Variants in FIP1L1 observed in about 807,000 individuals in gnomAD.
The protein encoded by FIP1L1 is factor interacting with PAPOLA and CPSF1.
Under a neutral mutation model 84.6 loss-of-function variants are expected in FIP1L1, and 21 were observed. That is an observed-to-expected ratio of 0.25 (90% CI 0.18 to 0.36). The LOEUF (loss-of-function observed/expected upper bound fraction) is 0.36. Ranked by LOEUF, FIP1L1 falls within the 10% of genes least tolerant of loss-of-function variation. The pLI is 1.00. For synonymous variants in FIP1L1, 263 were observed against 242.3 expected (o/e 1.09, Z -0.80); for missense variants, 526 against 751.1 (o/e 0.70, Z 3.50).
chr4:53,456,790 G>C (rs1369870294), intron 16 of FIP1L1, among the ~76,000 whole-genome samples: 1 of 152,018 alleles, frequency 6.6e-6, no homozygotes, highest in Non-Finnish European at 1.5e-5. Context: ...TTGTGTGTAG[G>C]ACCCAATCTT....
intron 11 of FIP1L1, among the ~76,000 whole-genome samples, chr4:53,424,398 A>T (rs756152978): frequency 1.3e-5 from 2 of 152,070 alleles, no homozygotes; most frequent in Non-Finnish European, 2.9e-5. Context: ...GTAACATGTG[A>T]ATATTAAGAT....
At position 53,459,915 on chromosome 4, in the gene FIP1L1, G is replaced by GACTC. The variant is rs1330653860; in HGVS notation, c.*468_*471dup. The GACTC allele has an allele frequency of 2.7e-5, 6 of 220,586 alleles. 1 individual carries two copies. Among genetic ancestry groups the GACTC allele is most frequent in the East Asian group, 6.6e-5 (1 of 15,132 alleles). 13.7% of individuals were successfully genotyped at this position (220,586 alleles called of 1,614,324 possible). On this transcript the variant is annotated 3_prime_UTR_variant, in exon 18 of 18. Coordinates refer to ENST00000337488, the MANE Select transcript of FIP1L1 (RefSeq NM_030917.4). ...GACACTCTTGCTTAGTATATTAAGA[G>GACTC]ACTCATACATTTTTGATATCACAAC...
chr4:53,419,279 T>TA (rs1258774127), intron 11 of FIP1L1, among the ~76,000 whole-genome samples: 2 of 152,174 alleles, frequency 1.3e-5, no homozygotes, highest in African/African-American at 4.8e-5. Flanking sequence ...AATTGACATT[T>TA]AAAAAATTCA....
At chr4:53,455,166 T>G (rs1718266078) in intron 16 of FIP1L1, among the ~76,000 whole-genome samples, 1 of 152,208 alleles carries the variant, frequency 6.6e-6, no homozygotes, top group Non-Finnish European at 1.5e-5. Flanking sequence ...GCTGGTTTGT[T>G]CTTCTATCCA....
chr4:53,443,579 A>G (rs951800933), intron 14 of FIP1L1, among the ~76,000 whole-genome samples: 11 of 152,210 alleles, frequency 7.2e-5, no homozygotes, highest in African/African-American at 2.7e-4. Context: ...TAAAATCAAG[A>G]AAGTATGAAT....
intron 9 of FIP1L1, among the ~76,000 whole-genome samples, chr4:53,396,301 T>G (rs1421751812): frequency 6.6e-6 from 1 of 152,134 alleles, no homozygotes; most frequent in African/African-American, 2.4e-5. Context: ...TAACAGAACT[T>G]CAAAGGAAAT....
intron 15 of FIP1L1, among the ~76,000 whole-genome samples, chr4:53,451,384 A>T (rs1345976374): frequency 2.0e-5 from 3 of 150,014 alleles, no homozygotes; most frequent in African/African-American, 7.4e-5. Context: ...TTAGGTTTTT[A>T]AAAAATACAA....
intron 10 of FIP1L1, among the ~76,000 whole-genome samples, chr4:53,406,321 T>G (rs1307807837): frequency 5.9e-5 from 9 of 152,154 alleles, no homozygotes; most frequent in South Asian, 2.1e-4. Flanking sequence ...TTATTGATTT[T>G]CGTATATTGA....
Position 53,425,974 on chromosome 4 carries a change from T to G in FIP1L1, c.1017+9T>G, listed in dbSNP as rs1198066575. 1.9e-6 allele frequency: 3 copies of G among 1,581,046 alleles called. No individual in the cohort carries two copies. The highest frequency in any genetic ancestry group is 1.7e-6 in the Non-Finnish European group (2 of 1,158,960). ...AGAACAGCAACATACAGGTTTAGTATTTTAAAATAAATAATTTTCTTTAAC... is the reference window on the plus strand; with the variant it reads ...AGAACAGCAACATACAGGTTTAGTAGTTTAAAATAAATAATTTTCTTTAAC... On this transcript the variant is annotated intron_variant, in intron 12 of 17. Transcript: ENST00000337488.
chr4:53,460,410 A>G lies in FIP1L1; in HGVS notation c.*961A>G. On this transcript the variant is annotated 3_prime_UTR_variant, in exon 18 of 18. Transcript: ENST00000337488. ...TTACTAGGATCTTTTAAATAGTGAT[A>G]ATACAAAAGTAATCTTAATTAGTAT... 5.3e-6 allele frequency: 1 copy of G among 189,620 alleles called. No individual in the cohort carries two copies. The highest frequency in any genetic ancestry group is 8.6e-5 in the East Asian group (1 of 11,666). The allele number at this position is 189,620 out of a possible 1,614,324, so 11.7% of individuals were successfully genotyped here.
intron 8 of FIP1L1, 128 bp downstream of exon 8, chr4:53,391,267 CAT>C: frequency 8.0e-7 from 1 of 1,254,258 alleles, no homozygotes. Flanking sequence ...TTTTGTTTAC[CAT>C]GTTTGTTTTT....
intron 15 of FIP1L1, among the ~76,000 whole-genome samples, chr4:53,449,425 C>G (rs1246602823): frequency 6.6e-6 from 1 of 152,036 alleles, no homozygotes; most frequent in Non-Finnish European, 1.5e-5. Flanking sequence ...TTGCTACATT[C>G]TTCTAATATT....
chr4:53,437,654 T>A (rs976613826), intron 13 of FIP1L1, among the ~76,000 whole-genome samples: 1 of 151,940 alleles, frequency 6.6e-6, no homozygotes, highest in African/African-American at 2.4e-5. Flanking sequence ...AATCTGTGTG[T>A]TTTAAGAGAC....
intron 13 of FIP1L1, among the ~76,000 whole-genome samples, chr4:53,440,374 G>A (rs1194734634): frequency 3.3e-5 from 5 of 151,986 alleles, no homozygotes; most frequent in South Asian, 2.1e-4. Flanking sequence ...TTGTTATCAA[G>A]TTGTTAGACT....
At chr4:53,393,764 G>C (rs894002718) in intron 9 of FIP1L1, among the ~76,000 whole-genome samples, 134 of 87,922 alleles carry the variant, frequency 1.5e-3, no homozygotes, top group Non-Finnish European at 2.0e-3. Context: ...TTTCCCCCCG[G>C]CCCCCCCCCC....
chr4:53,416,339 T>C (rs1243628214), intron 11 of FIP1L1, among the ~76,000 whole-genome samples: 1 of 152,228 alleles, frequency 6.6e-6, no homozygotes, highest in East Asian at 1.9e-4. Flanking sequence ...GTTGCATAAG[T>C]ATTGGACTTG....
chr4:53,411,044 C>T (rs568379011), intron 10 of FIP1L1, among the ~76,000 whole-genome samples: 14 of 152,088 alleles, frequency 9.2e-5, no homozygotes, highest in South Asian at 2.1e-4. Context: ...ACAGTCTTGT[C>T]GCTGCTTTTT....
intron 10 of FIP1L1, among the ~76,000 whole-genome samples, chr4:53,402,174 T>C (rs529846091): frequency 2.0e-5 from 3 of 152,288 alleles, no homozygotes; most frequent in Admixed American, 6.5e-5. Flanking sequence ...AGAATGACCA[T>C]TGGATTTTAT....
chr4:53,410,057 A>G (rs940732233), intron 10 of FIP1L1, among the ~76,000 whole-genome samples: 2 of 152,212 alleles, frequency 1.3e-5, no homozygotes, highest in African/African-American at 2.4e-5. Flanking sequence ...TCAGATGGAA[A>G]TGCAGAAATC....
Sources: gnomAD v4.1 joint callset for allele counts (sites outside exome capture counted in the v4.1 genomes callset) on GRCh38, gnomAD v4.1.1 for gene constraint, MANE v1.5 for transcripts, NCBI Gene and HGNC (gene_info 2026-07-23, HGNC 2026-07-21) for gene names.